PHRF1: variants seen among roughly 807,000 people sequenced by gnomAD.
PHRF1 encodes the protein PHD and RING finger domain-containing protein 1.
A neutral mutation model predicts 128.9 loss-of-function variants in PHRF1; 53 were observed. That is an observed-to-expected ratio of 0.41 (90% CI 0.33 to 0.52). PHRF1 has a LOEUF of 0.52. Among genes scored for constraint, PHRF1 ranks in the 20% least tolerant of loss-of-function variants. The probability of loss-of-function intolerance (pLI) is 0.21; values close to 1 mark genes in which losing one functional copy is unlikely to be tolerated. For synonymous variants in PHRF1, 1,178 were observed against 980.6 expected, an observed-to-expected ratio of 1.20 and a Z score of -3.76; for missense variants, 2,503 against 2,284.5, an observed-to-expected ratio of 1.10 and a Z score of -1.95.
chr11:586,335 C>T (rs1007073099), intron 3 of PHRF1, among the ~76,000 whole-genome samples: 22 of 152,238 alleles, frequency 1.4e-4, no homozygotes, highest in Non-Finnish European at 3.2e-4. Flanking sequence ...GAACTTAAAA[C>T]TCTTCTGCTG....
chr11:604,889 A>T (rs1434966827), intron 10 of PHRF1, among the ~76,000 whole-genome samples: 3 of 152,174 alleles, frequency 2.0e-5, no homozygotes, highest in Non-Finnish European at 4.4e-5. Context: ...TGATGGTGAC[A>T]CTGCAATGCC....
chr11:584,553 G>C (rs534626329), intron 3 of PHRF1, among the ~76,000 whole-genome samples: 5 of 152,238 alleles, frequency 3.3e-5, no homozygotes, highest in African/African-American at 1.2e-4. Context: ...CCACCTGAGG[G>C]GCAGGAGGAG....
rs553869044 is a variant in PHRF1, at chr11:608,992, G to C, written c.3536G>C (p.Arg1179Pro). Residue 1179 changes from arginine to proline, a missense_variant, in exon 14 of 18, where the codon CGG (arginine) becomes CCG (proline). Physicochemically the swap from Arg to Pro is moderately radical, Grantham distance 103. Transcript: ENST00000264555. ...EHRAREHRRP[R>P]SREKWPQTRS... ...AGGGCACGGGAGCACAGGCGGCCTC[G>C]GTCCCGTGAGAAGTGGCCGCAGACC... The C allele has an allele frequency of 2.5e-6, 4 of 1,604,204 alleles. No individual in the cohort carries two copies. The highest frequency in any genetic ancestry group is 3.4e-6 in the Non-Finnish European group (4 of 1,176,366).
intron 5 of PHRF1, among the ~76,000 whole-genome samples, chr11:591,837 C>T (rs12797025): frequency 6.6e-6 from 1 of 152,290 alleles, no homozygotes; most frequent in South Asian, 2.1e-4. Flanking sequence ...GCCTCAATCT[C>T]CTGGGCTCAA....
Position 606,587 on chromosome 11 carries a change from A to C in PHRF1, c.1600A>C (p.Lys534Gln). 1 of 1,604,694 alleles carries C rather than the reference A, an allele frequency of 6.2e-7. No individual in the cohort carries two copies. Among genetic ancestry groups the C allele is most frequent in the Non-Finnish European group, 8.5e-7 (1 of 1,176,206 alleles). ...CCACCGCGACGGCTCCCTCAGCGCC[A>C]AGAGGGCGGGTGAGTGCCTTCCCTG... ...IIHRDGSLSA[K>Q]RAAPVSFQRN... is the part of the protein sequence containing the mutation. Residue 534 changes from lysine (K) to glutamine (Q), a missense_variant, in exon 13 of 18, where the codon AAG becomes CAG. Physicochemically the swap from Lys to Gln is moderately conservative, Grantham distance 53. Coordinates refer to ENST00000264555, the MANE Select transcript of PHRF1 (RefSeq NM_001286581.2).
In PHRF1 at chr11:597,405, C is replaced by T. The variant is rs372797208; in HGVS notation, c.729C>T (p.Pro243=). 53 of 1,612,204 alleles carry T rather than the reference C, an allele frequency of 3.3e-5. No homozygotes were observed. Among genetic ancestry groups the T allele is most frequent in the African/African-American group, 2.3e-4 (17 of 74,878 alleles). The change falls in exon 8 of 18, where the codon CCC becomes CCT. Residue 243 remains proline, a synonymous_variant. Transcript: ENST00000264555. This position sits in a 1 kb window ranked among gnomAD's most constrained non-coding sequence, Gnocchi z 6.5. ...PGVVLAADAG[P]VSEEEVSLLL... is the part of the protein sequence containing the mutation. ...GGTGGTTCTTCCCAGATGCGGGTCC[C>T]GTGAGTGAGGAGGAGGTCTCCCTGC...
intron 3 of PHRF1, among the ~76,000 whole-genome samples, chr11:583,363 C>CA (rs1854334332): frequency 6.7e-6 from 1 of 148,878 alleles, no homozygotes; most frequent in Non-Finnish European, 1.5e-5. Context: ...AAAACCCCAC[C>CA]AAAATTAGCC....
intron 3 of PHRF1, among the ~76,000 whole-genome samples, chr11:586,877 G>A (rs1481279043): frequency 6.6e-6 from 1 of 152,182 alleles, no homozygotes; most frequent in Non-Finnish European, 1.5e-5. Flanking sequence ...TCAGGGGGCT[G>A]CTGCACTGAG....
intron 3 of PHRF1, among the ~76,000 whole-genome samples, chr11:583,959 T>C (rs1854369701): frequency 6.6e-6 from 1 of 152,192 alleles, no homozygotes; most frequent in South Asian, 2.1e-4. Flanking sequence ...GGAAAATCCA[T>C]GGTCCTCAAG....
At position 609,327 on chromosome 11, in the gene PHRF1, T is replaced by C. The variant is rs1249357419; in HGVS notation, c.3871T>C (p.Ser1291Pro). The change falls in exon 14 of 18, where the codon TCT becomes CCT. Residue 1291 changes from serine to proline, a missense_variant. By Grantham distance (74) the Ser-to-Pro change is moderately conservative (BLOSUM62 -1). Transcript: ENST00000264555. ...GCTCGATGACATGAGCTCGCCACCT[T>C]CTCCCGAAAGCACAGACTCTTCCCC... is the stretch of plus-strand genomic sequence containing the variant. ...IQLDDMSSPPSPESTDSSPER... is the reference protein window; with the variant it reads ...IQLDDMSSPPPPESTDSSPER... The C allele has an allele frequency of 3.7e-6, 6 of 1,612,188 alleles. No homozygotes were observed. The African/African-American group carries it at 4.0e-5, about 11-fold the overall frequency.
chr11:605,295 C>T lies in PHRF1; in HGVS notation c.1329C>T (p.Phe443=), dbSNP rs779833594. The change falls in exon 11 of 18, where the codon TTC becomes TTT. Residue 443 remains phenylalanine (F), a synonymous_variant. Coordinates refer to ENST00000264555, the MANE Select transcript of PHRF1 (RefSeq NM_001286581.2). ...LFGDPYELDP[F]DSSEELSANP... ...GAGATCCTTATGAGCTGGATCCCTT[C>T]GACAGGTGAGTGAACTGGTGATGGT... The T allele has an allele frequency of 1.3e-5, 21 of 1,612,872 alleles. No individual in the cohort carries two copies. The highest frequency in any genetic ancestry group is 1.1e-4 in the African/African-American group (8 of 74,922).
rs1237175304 is a variant in PHRF1 at position 609,326 on chromosome 11, T to A, written c.3870T>A (p.Pro1290=). ...FIQLDDMSSP[P]SPESTDSSPE... Reference sequence around the variant, plus strand: ...AGCTCGATGACATGAGCTCGCCACCTTCTCCCGAAAGCACAGACTCTTCCC... The same window carrying A: ...AGCTCGATGACATGAGCTCGCCACCATCTCCCGAAAGCACAGACTCTTCCC... Residue 1290 remains proline, a synonymous_variant, in exon 14 of 18, where the codon CCT becomes CCA. Coordinates refer to ENST00000264555, the MANE Select transcript of PHRF1 (RefSeq NM_001286581.2). The A allele has an allele frequency of 1.9e-6, 3 of 1,612,378 alleles. No individual in the cohort carries two copies. The African/African-American group carries it at 4.0e-5, about 22-fold the overall frequency.
chr11:605,048 G>A, intron 10 of PHRF1, 71 bp from the exon 11 acceptor site: 1 of 1,445,348 alleles, frequency 6.9e-7, no homozygotes, highest in Non-Finnish European at 9.4e-7. Context: ...GGCTTCACGT[G>A]GCATTTACAG....
In PHRF1 at chr11:608,294, G is replaced by A; in HGVS notation, c.2838G>A (p.Gly946=). Reference sequence around the variant, plus strand: ...CAGAGCCCTGGGATGAGGAGGATGGGGCGTCTTGCAGCACCTTCTTTGGCT... The same window carrying A: ...CAGAGCCCTGGGATGAGGAGGATGGAGCGTCTTGCAGCACCTTCTTTGGCT... ...SPPEPWDEED[G]ASCSTFFGSE... The change falls in exon 14 of 18, where the codon GGG becomes GGA. Residue 946 remains glycine (G), a synonymous_variant. Transcript: ENST00000264555. The A allele has an allele frequency of 6.2e-7, 1 of 1,609,542 alleles. No individual in the cohort carries two copies. The highest frequency in any genetic ancestry group is 8.5e-7 in the Non-Finnish European group (1 of 1,179,112).
chr11:605,743 T>C lies in PHRF1; in HGVS notation c.1454+19T>C. The C allele has an allele frequency of 6.3e-7, 1 of 1,597,064 alleles. No individual in the cohort carries two copies. Among genetic ancestry groups the C allele is most frequent in the African/African-American group, 1.3e-5 (1 of 74,406 alleles). ...TTTCCAGGTGTGTGAGGGCAGAGGC[T>C]TCTGGGGAGGTGGGGGCAGCAGTTG... On this transcript the variant is annotated intron_variant, in intron 12 of 17. Coordinates refer to ENST00000264555, the MANE Select transcript of PHRF1 (RefSeq NM_001286581.2).
intron 2 of PHRF1, 136 bp from the exon 3 acceptor site, chr11:581,826 C>A: frequency 2.3e-6 from 3 of 1,309,462 alleles, no homozygotes; most frequent in South Asian, 3.1e-5. Context: ...CTTGTGCCCC[C>A]ACCTTGCCGG....
intron 3 of PHRF1, among the ~76,000 whole-genome samples, chr11:586,980 C>T (rs1854605489): frequency 6.6e-6 from 1 of 152,176 alleles, no homozygotes; most frequent in South Asian, 2.1e-4. Context: ...CTGCCTCAGC[C>T]CCAGGCTCAG....
At chr11:577,750 C>T (rs962855394) in intron 1 of PHRF1, among the ~76,000 whole-genome samples, 2 of 152,350 alleles carry the variant, frequency 1.3e-5, no homozygotes, top group East Asian at 1.9e-4. Flanking sequence ...TTGTTCAGTG[C>T]CTGGGATGGG....
In PHRF1 at chr11:609,520, C is replaced by T. The variant is rs761326690; in HGVS notation, c.4064C>T (p.Ala1355Val). ...HLLRPDAAEKAEAPSSPDVAP... is the reference protein window; with the variant it reads ...HLLRPDAAEKVEAPSSPDVAP... ...CTCAGGCCGGACGCGGCTGAGAAGG[C>T]TGAGGCACCCAGTTCCCCGGATGTG... Residue 1355 changes from alanine to valine, a missense_variant, in exon 14 of 18, where the codon GCT (alanine) becomes GTT (valine). Coordinates refer to ENST00000264555, the MANE Select transcript of PHRF1 (RefSeq NM_001286581.2). 73 of 1,601,950 alleles carry T rather than the reference C, an allele frequency of 4.6e-5. No homozygotes were observed. The South Asian group carries it at 7.8e-4, about 17-fold the overall frequency.
Sources: gnomAD v4.1 joint callset for allele counts (sites outside exome capture counted in the v4.1 genomes callset) on GRCh38, gnomAD v4.1.1 for gene constraint, Gnocchi (gnomAD v3.1) non-coding constraint, MANE v1.5 for transcripts, NCBI Gene and HGNC (gene_info 2026-07-23, HGNC 2026-07-21) for gene names.